The following COG5 variants were observed in gnomAD, a reference collection of about 807,000 sequenced individuals.
COG5 encodes component of oligomeric golgi complex 5.
In COG5, 86 loss-of-function variants were observed where a neutral mutation model predicts 110.4. The observed-to-expected ratio is 0.78, with a 90% CI of 0.65 to 0.93. The LOEUF is 0.93. COG5 is among the 40% of genes least tolerant of loss of function. COG5 has a pLI of 0.00. For missense variants in COG5, 1,077 were observed against 987.0 expected (o/e 1.09, Z -1.22); for synonymous variants, 360 against 334.6 (o/e 1.08, Z -0.83).
chr7:107,293,032 G>A (rs895305395), intron 12 of COG5, among the ~76,000 whole-genome samples: 3 of 152,048 alleles, frequency 2.0e-5, no homozygotes, highest in African/African-American at 7.3e-5. Context: ...CTTGTTATTG[G>A]GCAGCAAGAA....
At position 107,543,427 on chromosome 7, in the gene COG5, C is replaced by T. The variant is rs568822242; in HGVS notation, c.417+4684G>A. 2.6e-5 allele frequency among the ~76,000 whole-genome samples: 4 copies of T among 152,254 alleles called. No homozygotes were observed. In the East Asian group the frequency reaches 7.7e-4, roughly 29 times the overall value. ...AAAATTGTGTTGGGCAGGCTGCCCC[C>T]GCCCGACTCCAGGCCAGTACTTCCA... On this transcript the variant is annotated intron_variant, in intron 5 of 21. Coordinates refer to ENST00000297135, the MANE Select transcript of COG5 (RefSeq NM_006348.5).
intron 10 of COG5, among the ~76,000 whole-genome samples, chr7:107,349,830 T>C (rs1366316994): frequency 6.6e-6 from 1 of 152,142 alleles, no homozygotes; most frequent in East Asian, 1.9e-4. Flanking sequence ...AGTGCTGGGA[T>C]TACAGGCGTG....
chr7:107,532,622 A>AG (rs571690969), intron 5 of COG5, among the ~76,000 whole-genome samples: 272 of 152,358 alleles, frequency 1.8e-3, no homozygotes, highest in Non-Finnish European at 3.0e-3. Context: ...ATTAAAAATC[A>AG]GAAGTAGAGG....
chr7:107,522,987 C>T (rs911959594), intron 6 of COG5, among the ~76,000 whole-genome samples: 14 of 152,124 alleles, frequency 9.2e-5, no homozygotes, highest in African/African-American at 3.1e-4. Context: ...GTTATTCTAG[C>T]TATTCGAGAT....
chr7:107,469,924 T>C (rs994061356), intron 6 of COG5: 15 of 152,138 alleles, frequency 9.9e-5, no homozygotes, highest in African/African-American at 3.6e-4. Context: ...GTGTCCTTTA[T>C]ATAAAACAGT....
chr7:107,526,588 A>G (rs149935415), intron 6 of COG5, among the ~76,000 whole-genome samples: 2 of 152,368 alleles, frequency 1.3e-5, no homozygotes, highest in Admixed American at 6.5e-5. Context: ...AAAACTTCAC[A>G]TAAAGAACTG....
rs530410638 is a variant in COG5 at position 107,345,382 on chromosome 7, G to T, written c.1026+16651C>A. 5.3e-5 allele frequency among the ~76,000 whole-genome samples: 8 copies of T among 152,272 alleles called. No homozygotes were observed. In the South Asian group the frequency reaches 1.0e-3, roughly 20 times the overall value. On this transcript the variant is annotated intron_variant, in intron 10 of 21. Coordinates refer to ENST00000297135, the MANE Select transcript of COG5 (RefSeq NM_006348.5). ...GCTTGCTTGATGCAGAATTGTCACTGACCTTAAATTTGTAAAAAATAAATA... is the reference window on the plus strand; with the variant it reads ...GCTTGCTTGATGCAGAATTGTCACTTACCTTAAATTTGTAAAAAATAAATA...
intron 3 of COG5, among the ~76,000 whole-genome samples, chr7:107,553,204 G>A (rs1351481134): frequency 6.6e-6 from 1 of 151,974 alleles, no homozygotes; most frequent in Non-Finnish European, 1.5e-5. Flanking sequence ...ATATTCTCAG[G>A]TACAAACCTA....
intron 1 of COG5, among the ~76,000 whole-genome samples, chr7:107,560,658 GGA>G (rs1319860800): frequency 2.0e-5 from 3 of 152,130 alleles, no homozygotes; most frequent in Non-Finnish European, 4.4e-5. Context: ...GAAAAGATTA[GGA>G]GAGAAGAACA....
intron 7 of COG5, among the ~76,000 whole-genome samples, chr7:107,394,915 G>A (rs1790879282): frequency 6.6e-6 from 1 of 151,982 alleles, no homozygotes; most frequent in Non-Finnish European, 1.5e-5. Flanking sequence ...TCTTTTTTAA[G>A]TGTTTCGTCT....
intron 7 of COG5, among the ~76,000 whole-genome samples, chr7:107,411,747 G>A (rs1330531136): frequency 6.6e-6 from 1 of 152,112 alleles, no homozygotes; most frequent in Non-Finnish European, 1.5e-5. Context: ...CTTAAGAACA[G>A]CACATTAATA....
At chr7:107,522,382 C>T (rs1196430511) in intron 6 of COG5, among the ~76,000 whole-genome samples, 9 of 152,106 alleles carry the variant, frequency 5.9e-5, no homozygotes, top group African/African-American at 1.4e-4. Context: ...GCAAGAGAGT[C>T]GCTTGAACCC....
intron 6 of COG5, among the ~76,000 whole-genome samples, chr7:107,519,522 C>A (rs181976089): frequency 6.6e-6 from 1 of 151,732 alleles, no homozygotes; most frequent in Admixed American, 6.6e-5. Flanking sequence ...AAAACCTCTA[C>A]GCAAATGAAC....
At chr7:107,515,804 A>G (rs552266572) in intron 6 of COG5, among the ~76,000 whole-genome samples, 3 of 152,376 alleles carry the variant, frequency 2.0e-5, no homozygotes, top group Non-Finnish European at 2.9e-5. Flanking sequence ...GTCAGGCAAT[A>G]AAATATCTAT....
chr7:107,244,896 C>A (rs962899679), intron 17 of COG5, among the ~76,000 whole-genome samples: 1 of 152,154 alleles, frequency 6.6e-6, no homozygotes, highest in Non-Finnish European at 1.5e-5. Context: ...ACCATTCCTA[C>A]AGAAACTATT....
intron 5 of COG5, among the ~76,000 whole-genome samples, chr7:107,531,045 C>A (rs1563085462): frequency 6.7e-6 from 1 of 148,902 alleles, no homozygotes; most frequent in African/African-American, 2.5e-5. Context: ...CACTTCCTTA[C>A]TTTTTTTTTT....
At chr7:107,355,580 A>G (rs1005695905) in intron 10 of COG5, among the ~76,000 whole-genome samples, 1 of 152,224 alleles carries the variant, frequency 6.6e-6, no homozygotes, top group Non-Finnish European at 1.5e-5. Flanking sequence ...GCAATGGAAT[A>G]TTGTTCAGTG....
chr7:107,260,239 C>G (rs931776087), intron 14 of COG5, among the ~76,000 whole-genome samples: 1 of 151,994 alleles, frequency 6.6e-6, no homozygotes, highest in Admixed American at 6.6e-5. Flanking sequence ...CATTACTTAG[C>G]AACACAAAGA....
At chr7:107,489,806 A>T (rs1017892444) in intron 6 of COG5, among the ~76,000 whole-genome samples, 6 of 152,036 alleles carry the variant, frequency 3.9e-5, no homozygotes, top group East Asian at 1.9e-4. Context: ...GATTTTTTTT[A>T]AAAAAAGAAA....
Sources: allele counts gnomAD v4.1 joint callset (sites outside exome capture counted in the v4.1 genomes callset), GRCh38; gene constraint gnomAD v4.1.1; transcripts MANE v1.5; gene names NCBI Gene and HGNC (gene_info 2026-07-23, HGNC 2026-07-21).